PPP2R2C: variants seen among roughly 807,000 people sequenced by gnomAD.
PPP2R2C encodes the protein protein phosphatase 2, regulatory subunit B, gamma.
In PPP2R2C, 10 loss-of-function variants were observed where a neutral mutation model predicts 45.3. That is an observed-to-expected ratio of 0.22 (90% CI 0.14 to 0.37). PPP2R2C has a LOEUF of 0.37. Ranked by LOEUF, PPP2R2C falls within the 10% of genes least tolerant of loss-of-function variation. PPP2R2C has a pLI of 1.00. For synonymous variants in PPP2R2C, 257 were observed against 245.4 expected, an observed-to-expected ratio of 1.05 and a Z score of -0.44; for missense variants, 308 against 619.7, an observed-to-expected ratio of 0.50 and a Z score of 5.34.
At chr4:6,461,033 C>A (rs1004673081) in intron 1 of PPP2R2C, among the ~76,000 whole-genome samples, 6 of 152,158 alleles carry the variant, frequency 3.9e-5, no homozygotes, top group African/African-American at 1.4e-4. Context: ...TCCCAAGACA[C>A]CAGCCTTTAC....
chr4:6,438,112 G>A (rs767521049), intron 1 of PPP2R2C, among the ~76,000 whole-genome samples: 37 of 152,218 alleles, frequency 2.4e-4, no homozygotes, highest in Non-Finnish European at 3.8e-4. Context: ...CAACTGGAAT[G>A]ATAGTCCTGA....
chr4:6,340,325 C>T (rs1733348197), intron 6 of PPP2R2C, among the ~76,000 whole-genome samples: 1 of 152,156 alleles, frequency 6.6e-6, no homozygotes, highest in Non-Finnish European at 1.5e-5. Flanking sequence ...ACCCCCGCCC[C>T]CATTCCCAGG....
chr4:6,377,623 T>C (rs565882640), intron 3 of PPP2R2C, among the ~76,000 whole-genome samples: 1 of 152,170 alleles, frequency 6.6e-6, no homozygotes, highest in South Asian at 2.1e-4. Flanking sequence ...CGCGCCACTC[T>C]ACCCCAGCCT....
intron 5 of PPP2R2C, among the ~76,000 whole-genome samples, chr4:6,369,451 T>C (rs1179035277): frequency 6.6e-6 from 1 of 152,232 alleles, no homozygotes; most frequent in African/African-American, 2.4e-5. Context: ...AAAAGAAAAT[T>C]ACTTCGGCAA....
At chr4:6,464,819 T>TCA (rs1371839530) in intron 1 of PPP2R2C, among the ~76,000 whole-genome samples, 2 of 149,688 alleles carry the variant, frequency 1.3e-5, no homozygotes, top group African/African-American at 2.5e-5. Context: ...TAGGGGGTCT[T>TCA]CACACACACA....
chr4:6,504,170 T>C (rs145607776), intron 2 of PPP2R2C, among the ~76,000 whole-genome samples: 38 of 152,300 alleles, frequency 2.5e-4, no homozygotes, highest in Non-Finnish European at 3.5e-4. Context: ...GGAAGAAAGA[T>C]GAGGAGCACC....
At chr4:6,395,496 G>T (rs1193517753) in intron 1 of PPP2R2C, among the ~76,000 whole-genome samples, 1 of 152,216 alleles carries the variant, frequency 6.6e-6, no homozygotes, top group Non-Finnish European at 1.5e-5. Flanking sequence ...CTTGTGGAGA[G>T]GCTCCGTGTC....
intron 1 of PPP2R2C, among the ~76,000 whole-genome samples, chr4:6,556,245 A>T (rs1325714193): frequency 2.6e-5 from 4 of 152,146 alleles, no homozygotes; most frequent in African/African-American, 7.2e-5. Flanking sequence ...AGACTAAGTA[A>T]TCCCACTGTG....
intron 6 of PPP2R2C, among the ~76,000 whole-genome samples, chr4:6,341,754 C>A (rs918857881): frequency 6.6e-6 from 1 of 152,034 alleles, no homozygotes; most frequent in Admixed American, 6.6e-5. Flanking sequence ...ATGATGGAAG[C>A]AGAGGTTGGA....
At position 6,328,262 on chromosome 4, in the gene PPP2R2C, T is replaced by C. The variant is rs1007308572; in HGVS notation, c.1052+1000A>G. ...CAGTACATGGGCTCCTGACAGGTGG[T>C]ATTCTGATCTAGCAGCCAGTGTAGT... On this transcript the variant is annotated intron_variant, in intron 8 of 8. Coordinates refer to ENST00000382599, the MANE Select transcript of PPP2R2C (RefSeq NM_020416.4). The surrounding 1 kb of genome is among the most constrained non-coding windows in gnomAD (Gnocchi z 4.4). Among the ~76,000 whole-genome samples the C allele has an allele frequency of 3.9e-5, 6 of 152,132 alleles. No individual in the cohort carries two copies. Among genetic ancestry groups the C allele is most frequent in the Non-Finnish European group, 7.4e-5 (5 of 68,016 alleles).
chr4:6,449,322 G>A lies in PPP2R2C; in HGVS notation c.70+22838C>T, dbSNP rs770585964. 5.7e-4 allele frequency among the ~76,000 whole-genome samples: 87 copies of A among 152,358 alleles called. 1 individual carries two copies. Among genetic ancestry groups the A allele is most frequent in the Middle Eastern group, 3.4e-3 (1 of 294 alleles). On this transcript the variant is annotated intron_variant, in intron 1 of 8. Transcript: ENST00000382599. Reference sequence around the variant, plus strand: ...GTCCCAACAAGATGAGACCCCTGCGGCAGCTGCAGAGAACAGGCGCGTCTC... The same window carrying A: ...GTCCCAACAAGATGAGACCCCTGCGACAGCTGCAGAGAACAGGCGCGTCTC...
chr4:6,510,667 A>T (rs1001013420), intron 2 of PPP2R2C, among the ~76,000 whole-genome samples: 1 of 152,114 alleles, frequency 6.6e-6, no homozygotes, highest in Non-Finnish European at 1.5e-5. Flanking sequence ...CCTGATACGG[A>T]GGAGGCCCTC....
chr4:6,464,806 G>T (rs1721506771), intron 1 of PPP2R2C, among the ~76,000 whole-genome samples: 1 of 151,860 alleles, frequency 6.6e-6, no homozygotes, highest in African/African-American at 2.4e-5. Flanking sequence ...GGAACGATGG[G>T]AGTAGGGGGT....
chr4:6,456,336 C>T (rs1476367691), intron 1 of PPP2R2C, among the ~76,000 whole-genome samples: 1 of 138,056 alleles, frequency 7.2e-6, no homozygotes, highest in Non-Finnish European at 1.6e-5. Context: ...CTACTGTCTA[C>T]ACGTTCAAAC....
At chr4:6,372,842 C>T (rs1714966200) in intron 4 of PPP2R2C, 142 bp from the exon 5 acceptor site, 2 of 820,630 alleles carry the variant, frequency 2.4e-6, no homozygotes, top group South Asian at 3.5e-5. Context: ...CTGAAATAGG[C>T]AGTGACAGAT....
At chr4:6,426,794 A>C (rs1407200651) in intron 1 of PPP2R2C, among the ~76,000 whole-genome samples, 1 of 152,188 alleles carries the variant, frequency 6.6e-6, no homozygotes, top group African/African-American at 2.4e-5. Context: ...CCTGAGCCAC[A>C]GGGGCAGGTG....
chr4:6,544,281 G>A lies in PPP2R2C; in HGVS notation c.-58-8904C>T, dbSNP rs137924091. ...CCTATCTCTTTCAGTTCCAGCTACC[G>A]GAAGTCCCTCTAGTCAATTTTCCTC... On this transcript the variant is annotated intron_variant, in intron 1 of 9. Coordinates refer to the PPP2R2C transcript ENST00000506140. Among the ~76,000 whole-genome samples the A allele has an allele frequency of 4.0e-3, 607 of 152,278 alleles. 4 individuals are homozygous for A. The highest frequency in any genetic ancestry group is 0.014 in the African/African-American group (571 of 41,546).
At chr4:6,524,895 C>A (rs1397265003) in intron 2 of PPP2R2C, among the ~76,000 whole-genome samples, 1 of 151,812 alleles carries the variant, frequency 6.6e-6, no homozygotes, top group Non-Finnish European at 1.5e-5. Flanking sequence ...TTGAGAGCAG[C>A]CTGGGCAACA....
intron 1 of PPP2R2C, among the ~76,000 whole-genome samples, chr4:6,389,712 C>A (rs1030086344): frequency 2.6e-5 from 4 of 152,218 alleles, no homozygotes; most frequent in Admixed American, 2.6e-4. Context: ...CAGGCCCCAG[C>A]TTTAGCATTT....
Sources: gnomAD v4.1 joint callset for allele counts (sites outside exome capture counted in the v4.1 genomes callset) on GRCh38, gnomAD v4.1.1 for gene constraint, Gnocchi (gnomAD v3.1) non-coding constraint, MANE v1.5 for transcripts, NCBI Gene and HGNC (gene_info 2026-07-23, HGNC 2026-07-21) for gene names.